Variants in ADA observed in about 807,000 individuals in gnomAD.
ADA encodes the protein adenosine aminohydrolase.
Under a neutral mutation model 49.0 loss-of-function variants are expected in ADA, and 45 were observed. The ratio of observed to expected loss-of-function variants is 0.92; its 90% CI spans 0.72 to 1.18. The LOEUF is 1.18. Among genes scored for constraint, ADA ranks in the 50% most tolerant of loss-of-function variants. The pLI, the probability that ADA is intolerant of heterozygous loss-of-function variation, is 0.00. For missense variants in ADA, 445 were observed against 472.5 expected (o/e 0.94, Z 0.54); for synonymous variants, 173 against 184.2 (o/e 0.94, Z 0.49).
At chr20:44,651,101 G>A (rs2065641080) in intron 1 of ADA, among the ~76,000 whole-genome samples, 2 of 152,120 alleles carry the variant, frequency 1.3e-5, no homozygotes, top group South Asian at 2.1e-4. Flanking sequence ...GTTCTTCCCC[G>A]GGGCGCATCC....
intron 1 of ADA, among the ~76,000 whole-genome samples, chr20:44,643,375 C>A (rs546636535): frequency 6.6e-6 from 1 of 152,328 alleles, no homozygotes; most frequent in South Asian, 2.1e-4. Flanking sequence ...CCTAACCACT[C>A]TACTGTACTG....
chr20:44,623,989 C>G lies in ADA; in HGVS notation c.606+213G>C, dbSNP rs1453021151. 4 of 613,916 alleles carry G rather than the reference C, an allele frequency of 6.5e-6. 1 individual carries two copies. The East Asian group carries it at 1.6e-4, about 24-fold the overall frequency. The allele number at this position is 613,916 out of a possible 1,614,324, so 38.0% of individuals were successfully genotyped here. A position where few individuals can be genotyped will look rare whatever the true frequency, so the allele number is the denominator to read the frequency against. ...CTCAAACTCCTAGGCTCAAGCAATC[C>G]TCCTGCCTCGCCTCCCAAAGTGCTG... On this transcript the variant is annotated intron_variant, in intron 6 of 11. Transcript: ENST00000372874.
intron 1 of ADA, among the ~76,000 whole-genome samples, chr20:44,646,284 G>A (rs962988649): frequency 6.6e-6 from 1 of 150,798 alleles, no homozygotes; most frequent in Non-Finnish European, 1.5e-5. Flanking sequence ...AAAAGGCTTC[G>A]ATGAAACTCA....
At chr20:44,647,489 C>T (rs1218001403) in intron 1 of ADA, among the ~76,000 whole-genome samples, 1 of 151,986 alleles carries the variant, frequency 6.6e-6, no homozygotes, top group Non-Finnish European at 1.5e-5. Flanking sequence ...TGTTCACTTG[C>T]CAGTCTACAG....
At chr20:44,620,628 C>T (rs1013023450) in intron 10 of ADA, 3 of 610,054 alleles carry the variant, frequency 4.9e-6, no homozygotes, top group East Asian at 2.9e-5. Context: ...GTTGGAGAAA[C>T]CTTTGAGAGA....
chr20:44,636,837 G>T (rs548828294), intron 1 of ADA, among the ~76,000 whole-genome samples: 1 of 152,144 alleles, frequency 6.6e-6, no homozygotes, highest in East Asian at 1.9e-4. Context: ...ATGGAGTCTC[G>T]CTCTGTCTCC....
At chr20:44,622,779 G>C (rs1008700370) in intron 8 of ADA, 50 bp downstream of exon 8, 1 of 1,614,036 alleles carries the variant, frequency 6.2e-7, no homozygotes, top group Non-Finnish European at 8.5e-7. Context: ...CTCTATACAG[G>C]AAGTTGGGAC....
intron 6 of ADA, among the ~76,000 whole-genome samples, chr20:44,623,710 CCT>C (rs2065354272): frequency 6.7e-6 from 1 of 149,862 alleles, no homozygotes; most frequent in African/African-American, 2.5e-5. Flanking sequence ...TTCCTTCCTT[CCT>C]CTCTTTCTTT....
chr20:44,621,138 A>G lies in ADA; in HGVS notation c.855T>C (p.Asn285=), dbSNP rs374601935. Reference sequence around the variant, plus strand: ...TGTTGAGCGAGTAGTTAGCCTGGTCATTTTTGAGCCTGCAGAAGAGGGAGG... The same window carrying G: ...TGTTGAGCGAGTAGTTAGCCTGGTCGTTTTTGAGCCTGCAGAAGAGGGAGG... ...DTEHAVIRLK[N]DQANYSLNTD... Residue 285 remains asparagine, a synonymous_variant, in exon 10 of 12, where the codon AAT becomes AAC. Coordinates refer to ENST00000372874, the MANE Select transcript of ADA (RefSeq NM_000022.4). 23 of 1,614,162 alleles carry G rather than the reference A, an allele frequency of 1.4e-5. No homozygotes were observed. The African/African-American group carries it at 2.4e-4, about 17-fold the overall frequency.
Position 44,624,209 on chromosome 20 carries a change from G to A in ADA, c.599C>T (p.Ala200Val). The A allele has an allele frequency of 2.5e-6, 4 of 1,611,830 alleles. No homozygotes were observed. The highest frequency in any genetic ancestry group is 1.1e-5 in the South Asian group (1 of 90,634). The change falls in exon 6 of 12, where the codon GCC becomes GTC. Residue 200 changes from alanine to valine, a missense_variant. Transcript: ENST00000372874. ...GSSLLPGHVQ[A>V]YQEAVKSGIH... ...CCTTCTCACAGGACCCACCTGGTAG[G>A]CCTGGACATGTCCAGGCAAGAGGCT...
intron 2 of ADA, among the ~76,000 whole-genome samples, chr20:44,635,916 C>T (rs550264392): frequency 3.3e-5 from 5 of 151,156 alleles, no homozygotes; most frequent in South Asian, 2.1e-4. Context: ...AAAAAAAAGA[C>T]GGATTCAGCC....
intron 2 of ADA, among the ~76,000 whole-genome samples, chr20:44,634,299 G>A (rs1012610136): frequency 2.0e-5 from 3 of 152,248 alleles, no homozygotes; most frequent in East Asian, 1.9e-4. Flanking sequence ...ACCCCACTTA[G>A]AGATATAAGC....
At position 44,619,981 on chromosome 20, in the gene ADA, T is replaced by C. The variant is rs2065312416; in HGVS notation, c.1079-134A>G. ...AAGAAGATGCCTTGCCAAGACCACA[T>C]AGGAAGAAAGGAGCAGAACAGGCCT... On this transcript the variant is annotated intron_variant, in intron 11 of 11. Transcript: ENST00000372874. 8.9e-6 allele frequency: 11 copies of C among 1,237,756 alleles called. No individual in the cohort carries two copies. In the East Asian group the frequency reaches 2.5e-4, roughly 28 times the overall value. 76.7% of individuals were successfully genotyped at this position (1,237,756 alleles called of 1,614,324 possible). A position where few individuals can be genotyped will look rare whatever the true frequency, so the allele number is the denominator to read the frequency against.
intron 2 of ADA, among the ~76,000 whole-genome samples, chr20:44,631,730 T>G (rs1268840822): frequency 6.6e-6 from 1 of 152,142 alleles, no homozygotes. Context: ...ACTCATCTCC[T>G]TTGGTGGTTT....
chr20:44,619,716 C>T lies in ADA; in HGVS notation c.*118G>A, dbSNP rs1432833151. On this transcript the variant is annotated 3_prime_UTR_variant, in exon 12 of 12. Transcript: ENST00000372874. ...GAAATGGACACATAGGGTTCAGGAG[C>T]ATCAGTAACTGACTATTGAGATCAT... 3.7e-5 allele frequency: 50 copies of T among 1,340,554 alleles called. No homozygotes were observed. The highest frequency in any genetic ancestry group is 6.8e-5 in the Admixed American group (4 of 58,502). The allele number at this position is 1,340,554 out of a possible 1,614,324, so 83.0% of individuals were successfully genotyped here.
At chr20:44,622,453 T>C in intron 9 of ADA, 135 bp downstream of exon 9, 1 of 1,087,714 alleles carries the variant, frequency 9.2e-7, no homozygotes, top group Non-Finnish European at 1.4e-6. Flanking sequence ...AGGACGGCAA[T>C]GCCTGCTTCC....
intron 1 of ADA, among the ~76,000 whole-genome samples, chr20:44,649,101 T>C (rs890378669): frequency 1.2e-4 from 18 of 152,056 alleles, no homozygotes; most frequent in African/African-American, 3.9e-4. Context: ...CAGCCTCCCT[T>C]GGACTCAAAC....
intron 1 of ADA, among the ~76,000 whole-genome samples, chr20:44,637,246 G>C (rs2065489171): frequency 6.6e-6 from 1 of 152,190 alleles, no homozygotes; most frequent in Admixed American, 6.5e-5. Flanking sequence ...TCCCAGTTCT[G>C]CTGTGTGACC....
chr20:44,632,904 C>T (rs187890976), intron 2 of ADA, among the ~76,000 whole-genome samples: 97 of 152,284 alleles, frequency 6.4e-4, no homozygotes, highest in African/African-American at 2.1e-3. Flanking sequence ...ATGTTGGCCA[C>T]GCTGGTCTTG....
Sources: gnomAD v4.1 joint callset for allele counts (sites outside exome capture counted in the v4.1 genomes callset) on GRCh38, gnomAD v4.1.1 for gene constraint, MANE v1.5 for transcripts, NCBI Gene and HGNC (gene_info 2026-07-23, HGNC 2026-07-21) for gene names.